The following MYOM2 variants were observed in gnomAD, a reference collection of about 807,000 sequenced individuals.
MYOM2 encodes the protein myomesin 2.
A neutral mutation model predicts 187.6 loss-of-function variants in MYOM2; 254 were observed. That is an observed-to-expected ratio of 1.35 (90% CI 1.22 to 1.50). The LOEUF is 1.50. MYOM2 is among the 40% of genes most tolerant of loss of function. The probability of loss-of-function intolerance (pLI) is 0.00; values close to 1 mark genes in which losing one functional copy is unlikely to be tolerated. For missense variants in MYOM2, 2,796 were observed against 1,924.0 expected, an observed-to-expected ratio of 1.45 and a Z score of -8.48; for synonymous variants, 981 against 753.8, an observed-to-expected ratio of 1.30 and a Z score of -4.94.
intron 20 of MYOM2, 52 bp downstream of exon 20, chr8:2,101,106 G>A: frequency 6.3e-7 from 1 of 1,589,422 alleles, no homozygotes; most frequent in Non-Finnish European, 8.6e-7. Flanking sequence ...AGCACTTTGG[G>A]AGGTAAAGGC....
Position 2,073,316 on chromosome 8 carries a change from C to T in MYOM2, c.959-23C>T, listed in dbSNP as rs201095570. On this transcript the variant is annotated intron_variant, in intron 9 of 36. Coordinates refer to ENST00000262113, the MANE Select transcript of MYOM2 (RefSeq NM_003970.4). Reference sequence around the variant, plus strand: ...TGCTGGGGTGATTTTGGATGCAAACCTTCCGTGTTAACGCTCTTTCAGACG... The same window carrying T: ...TGCTGGGGTGATTTTGGATGCAAACTTTCCGTGTTAACGCTCTTTCAGACG... 3 of 1,586,284 alleles carry T rather than the reference C, an allele frequency of 1.9e-6. No homozygotes were observed. The East Asian group carries it at 6.8e-5, about 36-fold the overall frequency.
intron 27 of MYOM2, 144 bp from the exon 28 acceptor site, chr8:2,117,741 A>G (rs1381285191): frequency 6.0e-6 from 3 of 495,900 alleles, no homozygotes; most frequent in Non-Finnish European, 1.0e-5. Flanking sequence ...CCAAAAATGC[A>G]TTACATAAAT....
At chr8:2,084,818 A>C (rs1038042142) in intron 13 of MYOM2, among the ~76,000 whole-genome samples, 2 of 152,204 alleles carry the variant, frequency 1.3e-5, no homozygotes, top group Non-Finnish European at 2.9e-5. Flanking sequence ...CTGAGGGCAC[A>C]CGGTATAAAG....
chr8:2,050,850 G>C lies in MYOM2; in HGVS notation c.84G>C (p.Leu28=). Residue 28 remains leucine (L), a synonymous_variant, in exon 2 of 37, where the codon CTG becomes CTC. Transcript: ENST00000262113. ...ACCGTAATATTCAAACACGGTACCT[G>C]CTGGACGAATATGCGTCAAAAAAGT... ...QSYRNIQTRY[L]LDEYASKKRA... The C allele has an allele frequency of 6.2e-7, 1 of 1,611,432 alleles. No individual in the cohort carries two copies. The highest frequency in any genetic ancestry group is 1.1e-5 in the South Asian group (1 of 90,982).
At chr8:2,083,670 C>T (rs891045369) in intron 13 of MYOM2, among the ~76,000 whole-genome samples, 1 of 152,222 alleles carries the variant, frequency 6.6e-6, no homozygotes, top group East Asian at 1.9e-4. Flanking sequence ...CTCATGCCCA[C>T]CCCTGTGCTT....
At position 2,098,926 on chromosome 8, in the gene MYOM2, G is replaced by T; in HGVS notation, c.2383G>T (p.Glu795Ter). The T allele has an allele frequency of 6.2e-7, 1 of 1,613,498 alleles. No homozygotes were observed. Among genetic ancestry groups the T allele is most frequent in the Non-Finnish European group, 8.5e-7 (1 of 1,179,822 alleles). Residue 795 changes from glutamate to a stop codon, truncating the protein, a stop_gained, in exon 19 of 37, where the codon GAG (glutamate) becomes TAG (stop). Coordinates refer to ENST00000262113, the MANE Select transcript of MYOM2 (RefSeq NM_003970.4). LOFTEE classifies it high-confidence loss of function. Reference sequence around the variant, plus strand: ...CGCCGTCAACCTGGCCGGCATCGGGGAGCCCTCAGATCCCAGTGAGCACTT... The same window carrying T: ...CGCCGTCAACCTGGCCGGCATCGGGTAGCCCTCAGATCCCAGTGAGCACTT... Reference protein sequence around the residue: ...IAAVNLAGIGEPSDPSEHFKC... With the variant: ...IAAVNLAGIG
chr8:2,144,340 T>C (rs2116930906), intron 36 of MYOM2, among the ~76,000 whole-genome samples: 1 of 152,276 alleles, frequency 6.6e-6, no homozygotes, highest in East Asian at 1.9e-4. Flanking sequence ...AGACTGGATA[T>C]ATCTACTATA....
In MYOM2 at chr8:2,092,476, C is replaced by T. The variant is rs780649376; in HGVS notation, c.1959C>T (p.Thr653=). The change falls in exon 16 of 37, where the codon ACC becomes ACT. Residue 653 remains threonine (T), a synonymous_variant. Transcript: ENST00000262113. ...GYYVDCCVAG[T]NLWEPCNHKP... ...ACGTGGACTGCTGTGTGGCCGGAAC[C>T]AACCTCTGGGAGCCCTGCAACCACA... The T allele has an allele frequency of 2.5e-6, 4 of 1,614,134 alleles. No individual in the cohort carries two copies. The highest frequency in any genetic ancestry group is 1.7e-6 in the Non-Finnish European group (2 of 1,180,020).
At chr8:2,061,016 G>T (rs1818835225) in intron 6 of MYOM2, among the ~76,000 whole-genome samples, 1 of 152,142 alleles carries the variant, frequency 6.6e-6, no homozygotes, top group South Asian at 2.1e-4. Flanking sequence ...GCTGAAGGCA[G>T]GCTGGGGCCA....
intron 9 of MYOM2, 142 bp downstream of exon 9, chr8:2,072,651 G>A (rs1394176469): frequency 7.4e-6 from 8 of 1,082,168 alleles, no homozygotes; most frequent in Non-Finnish European, 6.4e-6. Flanking sequence ...GGACTGTAGA[G>A]GACTTGGTGG....
At chr8:2,138,259 G>A (rs775151148) in intron 32 of MYOM2, among the ~76,000 whole-genome samples, 17 of 152,210 alleles carry the variant, frequency 1.1e-4, no homozygotes, top group Admixed American at 3.3e-4. Context: ...CGGCCCGGCC[G>A]GCTCTGGCTG....
rs140995511 is a variant in MYOM2 at position 2,106,388 on chromosome 8, G to T, written c.2881G>T (p.Val961Leu). 14 of 1,614,006 alleles carry T rather than the reference G, an allele frequency of 8.7e-6. No individual in the cohort carries two copies. The Admixed American group carries it at 1.3e-4, about 15-fold the overall frequency. Residue 961 changes from valine to leucine, a missense_variant, in exon 22 of 37, where the codon GTG (valine) becomes TTG (leucine). Coordinates refer to ENST00000262113, the MANE Select transcript of MYOM2 (RefSeq NM_003970.4). ...TGATGAGAGGTTTAAAATTGAAACCGTGGGGGATCAGTAAGTGAGGCCTGG... is the reference window on the plus strand; with the variant it reads ...TGATGAGAGGTTTAAAATTGAAACCTTGGGGGATCAGTAAGTGAGGCCTGG... ...SDDERFKIET[V>L]GDHSKLYLKN...
intron 28 of MYOM2, among the ~76,000 whole-genome samples, chr8:2,119,748 G>A (rs182719927): frequency 6.6e-6 from 1 of 152,272 alleles, no homozygotes; most frequent in East Asian, 1.9e-4. Flanking sequence ...AGGACTCACA[G>A]GTGAAGGAAG....
intron 5 of MYOM2, 100 bp downstream of exon 5, chr8:2,057,880 G>A: frequency 1.5e-6 from 2 of 1,294,284 alleles, no homozygotes; most frequent in Non-Finnish European, 2.1e-6. Context: ...CTGTGCTGGA[G>A]GCCACTTACC....
chr8:2,144,855 T>G lies in MYOM2; in HGVS notation c.4272T>G (p.Tyr1424Ter). 1 of 1,614,072 alleles carries G rather than the reference T, an allele frequency of 6.2e-7. No individual in the cohort carries two copies. Among genetic ancestry groups the G allele is most frequent in the Non-Finnish European group, 8.5e-7 (1 of 1,180,020 alleles). The part of the protein sequence containing the change: ...GKYSINIKNK[Y>*]GGEKIDVTVS... ...ACAGCATCAACATCAAGAATAAGTA[T>G]GGCGGGGAGAAGATCGACGTGACAG... Residue 1424 changes from tyrosine (Y) to a stop codon, truncating the protein, a stop_gained, in exon 37 of 37, where the codon TAT (tyrosine) becomes TAG (stop). Transcript: ENST00000262113. LOFTEE classifies it low-confidence loss of function (END_TRUNC).
intron 23 of MYOM2, among the ~76,000 whole-genome samples, chr8:2,107,208 G>T (rs1246385700): frequency 6.6e-6 from 1 of 152,096 alleles, no homozygotes; most frequent in Non-Finnish European, 1.5e-5. Flanking sequence ...ACGTGTATTT[G>T]TGTGGCCCGT....
chr8:2,144,305 C>G (rs973692607), intron 36 of MYOM2, among the ~76,000 whole-genome samples: 1 of 151,878 alleles, frequency 6.6e-6, no homozygotes, highest in Non-Finnish European at 1.5e-5. Flanking sequence ...ATCCATAACT[C>G]TAAATAGAAA....
intron 20 of MYOM2, 74 bp from the exon 21 acceptor site, chr8:2,102,593 A>T (rs2294070): frequency 0.26 from 257,028 of 1,001,702 alleles, 34,782 homozygotes; most frequent in Admixed American, 0.41. Context: ...CCCTATTCAC[A>T]ATAAAATGTG....
At chr8:2,068,617 C>G (rs769383792) in intron 6 of MYOM2, among the ~76,000 whole-genome samples, 1 of 151,818 alleles carries the variant, frequency 6.6e-6, no homozygotes, top group African/African-American at 2.4e-5. Context: ...GCATCCTGGG[C>G]GCAGCTCTTC....
Sources: gnomAD v4.1 joint callset for allele counts (sites outside exome capture counted in the v4.1 genomes callset) on GRCh38, gnomAD v4.1.1 for gene constraint, MANE v1.5 for transcripts, NCBI Gene and HGNC (gene_info 2026-07-23, HGNC 2026-07-21) for gene names.